CALN1: variants seen among roughly 807,000 people sequenced by gnomAD.
CALN1 encodes the protein calcium-binding protein 8.
Under a neutral mutation model 30.6 loss-of-function variants are expected in CALN1, and 17 were observed. That is an observed-to-expected ratio of 0.56 (90% CI 0.38 to 0.83). The LOEUF (loss-of-function observed/expected upper bound fraction) is 0.83. Ranked by LOEUF, CALN1 falls within the 40% of genes least tolerant of loss-of-function variation. The probability of loss-of-function intolerance (pLI) is 0.00; values close to 1 mark genes in which losing one functional copy is unlikely to be tolerated. For synonymous variants in CALN1, 156 were observed against 131.4 expected (o/e 1.19, Z -1.28); for missense variants, 291 against 354.9 (o/e 0.82, Z 1.45).
chr7:72,264,160 G>C (rs1796460249), intron 3 of CALN1, among the ~76,000 whole-genome samples: 1 of 152,152 alleles, frequency 6.6e-6, no homozygotes, highest in Admixed American at 6.5e-5. Context: ...CCCTAAGCAA[G>C]CCCATTTTAG....
upstream of CALN1, among the ~76,000 whole-genome samples, chr7:72,451,513 A>C (rs1348212055): frequency 6.6e-6 from 1 of 152,016 alleles, no homozygotes; most frequent in Non-Finnish European, 1.5e-5. Flanking sequence ...TGGGGCCCCT[A>C]GGGTCCTGTG....
chr7:72,360,092 TGTCCAACTCATG>T (rs1803484296), intron 2 of CALN1, among the ~76,000 whole-genome samples: 1 of 151,812 alleles, frequency 6.6e-6, no homozygotes, highest in Non-Finnish European at 1.5e-5. Context: ...CGAAATAGAA[TGTCCAACTCATG>T]GTCGAATCTT....
In CALN1 at chr7:72,010,120, T is replaced by C. The variant is rs1037291359; in HGVS notation, c.501+13537A>G. Among the ~76,000 whole-genome samples the C allele has an allele frequency of 5.9e-5, 9 of 152,190 alleles. 1 individual carries two copies. The highest frequency in any genetic ancestry group is 1.4e-4 in the African/African-American group (6 of 41,462). On this transcript the variant is annotated intron_variant, in intron 5 of 6. Coordinates refer to ENST00000395275, the MANE Select transcript of CALN1 (RefSeq NM_031468.4). ...CTAAGAAAATCACTGGAAAAATCCA[T>C]GACTGCTGTCTGTGTTTTCCCAAAA...
At chr7:72,204,085 G>A (rs911547506) in intron 3 of CALN1, among the ~76,000 whole-genome samples, 1 of 140,318 alleles carries the variant, frequency 7.1e-6, no homozygotes, top group African/African-American at 2.7e-5. Context: ...TCCACCTCCC[G>A]GGTCTACGCC....
intron 2 of CALN1, among the ~76,000 whole-genome samples, chr7:72,394,682 GAC>G (rs1414190053): frequency 1.2e-4 from 16 of 136,776 alleles, no homozygotes; most frequent in Middle Eastern, 8.3e-3. Flanking sequence ...TTTTTTTTGA[GAC>G]ACAGTCTCAC....
intron 3 of CALN1, among the ~76,000 whole-genome samples, chr7:72,178,103 C>T (rs959822764): frequency 5.9e-5 from 9 of 152,056 alleles, no homozygotes; most frequent in Admixed American, 2.0e-4. Context: ...AATCACATCC[C>T]GAAAAATGGG....
In CALN1 at chr7:72,205,566, A is replaced by G. The variant is rs926630989; in HGVS notation, c.244+73120T>C. Among the ~76,000 whole-genome samples, 13 of 115,642 alleles carry G rather than the reference A, an allele frequency of 1.1e-4. 2 individuals are homozygous for G. The highest frequency in any genetic ancestry group is 4.4e-4 in the African/African-American group (12 of 27,386). The allele number at this position is 115,642 out of a possible 152,430, so 75.9% of individuals were successfully genotyped here. A position where few individuals can be genotyped will look rare whatever the true frequency, so the allele number is the denominator to read the frequency against. On this transcript the variant is annotated intron_variant, in intron 3 of 6. Coordinates refer to ENST00000395275, the MANE Select transcript of CALN1 (RefSeq NM_031468.4). ...GCAAAAAAAAAATATATATATATAT[A>G]TGTATATATATATATATATATTCAG...
At chr7:72,325,106 C>T (rs1457172854) in intron 2 of CALN1, among the ~76,000 whole-genome samples, 1 of 152,022 alleles carries the variant, frequency 6.6e-6, no homozygotes, top group Admixed American at 6.6e-5. Context: ...TCAAGACCAG[C>T]CTGGGCAACA....
chr7:72,357,413 G>C (rs1803298393), intron 2 of CALN1, among the ~76,000 whole-genome samples: 1 of 151,932 alleles, frequency 6.6e-6, no homozygotes, highest in Non-Finnish European at 1.5e-5. Context: ...CTTTTTTATG[G>C]TGAAACAAAG....
At chr7:72,053,974 C>CT (rs1803011421) in intron 4 of CALN1, among the ~76,000 whole-genome samples, 1 of 152,016 alleles carries the variant, frequency 6.6e-6, no homozygotes, top group African/African-American at 2.4e-5. Flanking sequence ...TAATTCATTC[C>CT]TTTTTTTGGC....
intron 4 of CALN1, among the ~76,000 whole-genome samples, chr7:72,055,147 G>T (rs1158846278): frequency 6.6e-6 from 1 of 152,020 alleles, no homozygotes; most frequent in African/African-American, 2.4e-5. Flanking sequence ...CACTAACGAG[G>T]TAGATATTAT....
intron 3 of CALN1, among the ~76,000 whole-genome samples, chr7:72,178,991 T>C (rs1388222623): frequency 6.6e-6 from 1 of 152,198 alleles, no homozygotes; most frequent in African/African-American, 2.4e-5. Context: ...TTGGTTTCCT[T>C]TGTAACATGC....
At chr7:72,401,663 G>A (rs1239460116) in intron 2 of CALN1, among the ~76,000 whole-genome samples, 4 of 152,146 alleles carry the variant, frequency 2.6e-5, no homozygotes, top group East Asian at 1.9e-4. Flanking sequence ...CCTAATTCAC[G>A]CTGCTCGCAA....
intron 5 of CALN1, among the ~76,000 whole-genome samples, chr7:71,818,677 TTTA>T (rs1562807151): frequency 5.0e-3 from 21 of 4,190 alleles, no homozygotes; most frequent in Non-Finnish European, 0.013. Flanking sequence ...GCTTATTTTA[TTTA>T]TTTATTTATT....
In CALN1 at chr7:72,107,467, C is replaced by T. The variant is rs73371726; in HGVS notation, c.245-1173G>A. Among the ~76,000 whole-genome samples, 536 of 152,330 alleles carry T rather than the reference C, an allele frequency of 3.5e-3. 7 individuals are homozygous for T. Among genetic ancestry groups the T allele is most frequent in the African/African-American group, 0.012 (500 of 41,574 alleles). On this transcript the variant is annotated intron_variant, in intron 3 of 6. Coordinates refer to ENST00000395275, the MANE Select transcript of CALN1 (RefSeq NM_031468.4). ...TGGGCTAGCAGAGAACTTGACTCTG[C>T]GGTCAGCAAGGGCTGTTTCACTTGG...
chr7:72,033,844 G>A (rs1562995167), intron 4 of CALN1, among the ~76,000 whole-genome samples: 2 of 152,188 alleles, frequency 1.3e-5, no homozygotes, highest in Non-Finnish European at 1.5e-5. Context: ...CAGTATGAAG[G>A]TTAGACTTGG....
chr7:72,308,372 GGAGAGA>G (rs150660773), intron 2 of CALN1, among the ~76,000 whole-genome samples: 37,512 of 91,850 alleles, frequency 0.41, 9,221 homozygotes, highest in Middle Eastern at 0.54. Flanking sequence ...TGTGGGGGGG[GGAGAGA>G]GAGAGAGAGA....
chr7:72,283,088 G>A (rs1003061235), intron 2 of CALN1, among the ~76,000 whole-genome samples: 4 of 151,050 alleles, frequency 2.6e-5, no homozygotes, highest in Non-Finnish European at 5.9e-5. Flanking sequence ...GCACTTTCTA[G>A]TCAAAAACAG....
chr7:71,786,456 G>A lies in CALN1; in HGVS notation c.*1319C>T, dbSNP rs1449976253. On this transcript the variant is annotated 3_prime_UTR_variant, in exon 7 of 7. Coordinates refer to ENST00000395275, the MANE Select transcript of CALN1 (RefSeq NM_031468.4). ...AGTCAGGAAATTACAGACTTGGAAT[G>A]GTGTTGAAAACAGATCCTTGGATTC... 1.3e-5 allele frequency: 2 copies of A among 152,152 alleles called. No individual in the cohort carries two copies. The highest frequency in any genetic ancestry group is 4.8e-5 in the African/African-American group (2 of 41,428). The allele number at this position is 152,152 out of a possible 1,614,324, so 9.4% of individuals were successfully genotyped here.
Sources: gnomAD v4.1 joint callset for allele counts (sites outside exome capture counted in the v4.1 genomes callset) on GRCh38, gnomAD v4.1.1 for gene constraint, MANE v1.5 for transcripts, NCBI Gene and HGNC (gene_info 2026-07-23, HGNC 2026-07-21) for gene names.